Variants in RAP1A observed in about 807,000 individuals in gnomAD.
The protein encoded by RAP1A is RAP1A, member of RAS oncogene family.
A neutral mutation model predicts 26.4 loss-of-function variants in RAP1A; 6 were observed. The ratio of observed to expected loss-of-function variants is 0.23; its 90% CI spans 0.12 to 0.45. The LOEUF is 0.45. Among genes scored for constraint, RAP1A ranks in the 20% least tolerant of loss-of-function variants. The pLI, the probability that RAP1A is intolerant of heterozygous loss-of-function variation, is 0.99. For missense variants in RAP1A, 121 were observed against 217.2 expected (o/e 0.56, Z 2.78); for synonymous variants, 73 against 79.4 (o/e 0.92, Z 0.43).
chr1:111,693,463 G>A (rs1453842157), intron 2 of RAP1A, among the ~76,000 whole-genome samples: 1 of 151,972 alleles, frequency 6.6e-6, no homozygotes, highest in African/African-American at 2.4e-5. Flanking sequence ...ATACAGGAGA[G>A]GGAAAGAGGA....
At chr1:111,688,868 T>C (rs1661583034) in intron 1 of RAP1A, among the ~76,000 whole-genome samples, 1 of 148,642 alleles carries the variant, frequency 6.7e-6, no homozygotes, top group African/African-American at 2.5e-5. Context: ...AGGGTCTCAC[T>C]CTATCGCCCA....
intron 4 of RAP1A, among the ~76,000 whole-genome samples, chr1:111,701,791 A>G (rs756379536): frequency 3.3e-5 from 5 of 152,236 alleles, no homozygotes; most frequent in Non-Finnish European, 7.3e-5. Context: ...TAGTGTTGCT[A>G]GTATTTGTAG....
chr1:111,556,905 A>ATG (rs770113415), intron 1 of RAP1A, among the ~76,000 whole-genome samples: 35 of 149,014 alleles, frequency 2.3e-4, no homozygotes, highest in Middle Eastern at 6.8e-3. Context: ...TTTACATTAT[A>ATG]TATATGTATG....
At chr1:111,624,017 A>G (rs754133649) in intron 1 of RAP1A, among the ~76,000 whole-genome samples, 1 of 152,256 alleles carries the variant, frequency 6.6e-6, no homozygotes, top group Non-Finnish European at 1.5e-5. Context: ...GTCAATGAAA[A>G]TAACTAATGT....
At chr1:111,587,646 CTCTT>C in intron 1 of RAP1A, among the ~76,000 whole-genome samples, 1 of 152,316 alleles carries the variant, frequency 6.6e-6, no homozygotes, top group South Asian at 2.1e-4. Flanking sequence ...AGTCATTTCT[CTCTT>C]TTTCAAAGCC....
intron 1 of RAP1A, among the ~76,000 whole-genome samples, chr1:111,593,336 T>C (rs1890548): frequency 0.34 from 51,716 of 152,142 alleles, 9,119 homozygotes; most frequent in African/African-American, 0.44. Context: ...GATATTGCTC[T>C]AGGGCCATTC....
chr1:111,652,925 A>G (rs981532613), intron 1 of RAP1A, among the ~76,000 whole-genome samples: 9 of 152,266 alleles, frequency 5.9e-5, no homozygotes, highest in Admixed American at 3.3e-4. Context: ...GCTGCTAGGT[A>G]TATACCCAAG....
chr1:111,691,337 G>C lies in RAP1A; in HGVS notation c.-24G>C. ...GATTTTTTTGTTTGTTTTTCAGATC[G>C]TCAGTATTTAAACAGATCACATCAT... On this transcript the variant is annotated 5_prime_UTR_variant, in exon 2 of 8. Coordinates refer to ENST00000369709, the MANE Select transcript of RAP1A (RefSeq NM_002884.4). The C allele has an allele frequency of 1.2e-6, 2 of 1,601,188 alleles. No homozygotes were observed. Among genetic ancestry groups the C allele is most frequent in the Non-Finnish European group, 1.7e-6 (2 of 1,171,276 alleles).
chr1:111,668,696 A>G (rs1158571522), intron 1 of RAP1A, among the ~76,000 whole-genome samples: 1 of 152,162 alleles, frequency 6.6e-6, no homozygotes, highest in Non-Finnish European at 1.5e-5. Flanking sequence ...GAGAAGTTAC[A>G]AATAGCTTTT....
intron 1 of RAP1A, among the ~76,000 whole-genome samples, chr1:111,586,270 G>A (rs775349620): frequency 1.1e-4 from 17 of 152,106 alleles, no homozygotes; most frequent in Admixed American, 2.0e-4. Flanking sequence ...AATGGAAGTC[G>A]TGACAACATG....
intron 1 of RAP1A, among the ~76,000 whole-genome samples, chr1:111,573,900 A>C (rs913477473): frequency 6.6e-6 from 1 of 151,980 alleles, no homozygotes. Context: ...CTCCCATTCT[A>C]TACTTTGTCT....
At chr1:111,673,596 A>G (rs916362894) in intron 1 of RAP1A, among the ~76,000 whole-genome samples, 1 of 152,230 alleles carries the variant, frequency 6.6e-6, no homozygotes, top group Non-Finnish European at 1.5e-5. Flanking sequence ...CTTAAAATTT[A>G]AACATAGTGT....
intron 1 of RAP1A, among the ~76,000 whole-genome samples, chr1:111,635,457 A>G (rs937609499): frequency 1.3e-5 from 2 of 152,202 alleles, no homozygotes; most frequent in African/African-American, 2.4e-5. Flanking sequence ...AACAATATCT[A>G]TATCTTGTTT....
In RAP1A at chr1:111,714,981, C is replaced by G. The variant is rs1662491924; in HGVS notation, c.*2580C>G. On this transcript the variant is annotated 3_prime_UTR_variant, in exon 8 of 8. Coordinates refer to ENST00000369709, the MANE Select transcript of RAP1A (RefSeq NM_002884.4). ...CATAGTTCATAGTTTGCTCTAATGG[C>G]TTGGTGGTATCCCTGAACAGTCTAC... 6.6e-6 allele frequency: 1 copy of G among 152,144 alleles called. No individual in the cohort carries two copies. The highest frequency in any genetic ancestry group is 1.5e-5 in the Non-Finnish European group (1 of 68,032). 9.4% of individuals were successfully genotyped at this position (152,144 alleles called of 1,614,324 possible). A position where few individuals can be genotyped will look rare whatever the true frequency, so the allele number is the denominator to read the frequency against.
intron 1 of RAP1A, among the ~76,000 whole-genome samples, chr1:111,599,005 A>T (rs943142114): frequency 6.6e-6 from 1 of 152,108 alleles, no homozygotes; most frequent in Non-Finnish European, 1.5e-5. Context: ...ATTATAAAGG[A>T]TATTACCAAG....
intron 6 of RAP1A, 105 bp from the exon 7 acceptor site, chr1:111,709,044 G>A: frequency 7.4e-7 from 1 of 1,360,514 alleles, no homozygotes; most frequent in Non-Finnish European, 9.6e-7. Context: ...AAAGAAAGAA[G>A]CAGAATGCAG....
intron 1 of RAP1A, among the ~76,000 whole-genome samples, chr1:111,597,849 C>T (rs1571489498): frequency 6.6e-6 from 1 of 152,168 alleles, no homozygotes; most frequent in East Asian, 1.9e-4. Flanking sequence ...CCATTAATGA[C>T]TCTATTGAGT....
chr1:111,693,254 T>C (rs903910363), intron 2 of RAP1A, among the ~76,000 whole-genome samples: 1 of 151,896 alleles, frequency 6.6e-6, no homozygotes, highest in Non-Finnish European at 1.5e-5. Context: ...ATGGGGTGGG[T>C]TGAAGATTAA....
chr1:111,709,409 A>C, intron 7 of RAP1A, 145 bp downstream of exon 7: 1 of 953,370 alleles, frequency 1.0e-6, no homozygotes, highest in Non-Finnish European at 1.4e-6. Flanking sequence ...TAGGTACGTC[A>C]TCTGTTGGAT....
Sources: allele counts gnomAD v4.1 joint callset (sites outside exome capture counted in the v4.1 genomes callset), GRCh38; gene constraint gnomAD v4.1.1; transcripts MANE v1.5; gene names NCBI Gene and HGNC (gene_info 2026-07-23, HGNC 2026-07-21).